Variants in APP observed in about 807,000 individuals in gnomAD.
The protein encoded by APP is amyloid beta precursor protein.
APP carries 31 observed loss-of-function variants against 101.4 expected under a neutral mutation model. The ratio of observed to expected loss-of-function variants is 0.31; its 90% CI spans 0.23 to 0.41. The LOEUF is 0.41. Among genes scored for constraint, APP ranks in the 10% least tolerant of loss-of-function variants. APP has a pLI of 1.00. For synonymous variants in APP, 366 were observed against 364.4 expected (o/e 1.00, Z -0.05); for missense variants, 839 against 1,003.7 (o/e 0.84, Z 2.22).
intron 1 of APP, among the ~76,000 whole-genome samples, chr21:26,112,538 C>T (rs1393968000): frequency 6.6e-5 from 10 of 152,220 alleles, no homozygotes. Context: ...CTGACTCACA[C>T]AGAGCATGAT....
intron 5 of APP, among the ~76,000 whole-genome samples, chr21:26,036,650 T>C (rs181120859): frequency 3.6e-4 from 55 of 152,290 alleles, no homozygotes; most frequent in Non-Finnish European, 6.3e-4. Flanking sequence ...CTAGACACAG[T>C]ATTTGAGACA....
intron 11 of APP, among the ~76,000 whole-genome samples, chr21:25,960,516 C>CT (rs958092225): frequency 5.3e-5 from 8 of 151,822 alleles, no homozygotes; most frequent in South Asian, 2.1e-4. Flanking sequence ...AGGGCGCTGG[C>CT]TTTTTTTTAG....
At chr21:26,072,926 TA>T (rs2061433870) in intron 3 of APP, among the ~76,000 whole-genome samples, 1 of 152,176 alleles carries the variant, frequency 6.6e-6, no homozygotes. Context: ...GTTCTCTGTT[TA>T]ACCTAAGAAG....
intron 1 of APP, among the ~76,000 whole-genome samples, chr21:26,163,065 TAA>T (rs140862192): frequency 8.1e-6 from 1 of 123,530 alleles, no homozygotes; most frequent in Non-Finnish European, 1.7e-5. Flanking sequence ...CTGTCTCTAC[TAA>T]AAAAAAAAAA....
intron 3 of APP, among the ~76,000 whole-genome samples, chr21:26,062,080 C>T (rs971654602): frequency 2.1e-4 from 32 of 151,810 alleles, no homozygotes; most frequent in East Asian, 3.9e-4. Context: ...CATGTTGGCG[C>T]GCACCTATAG....
intron 16 of APP, among the ~76,000 whole-genome samples, chr21:25,892,949 TAA>T (rs768171775): frequency 1.1e-5 from 1 of 90,724 alleles, no homozygotes. Context: ...AGATAGTATT[TAA>T]AAAAAAAAAA....
At chr21:25,939,784 ATTTGG>A (rs1176395675) in intron 13 of APP, among the ~76,000 whole-genome samples, 1 of 152,062 alleles carries the variant, frequency 6.6e-6, no homozygotes, top group African/African-American at 2.4e-5. Context: ...AAACACTTAA[ATTTGG>A]TTAGTTTGCT....
At position 25,886,064 on chromosome 21, in the gene APP, C is replaced by T. The variant is rs116565896; in HGVS notation, c.2212-4293G>A. ...ATACAAGGGACTGAGTCAGGCCAAA[C>T]GACAGAATCCTGTCATTGAGATGGA... is the stretch of plus-strand genomic sequence containing the variant. On this transcript the variant is annotated intron_variant, in intron 17 of 17. Coordinates refer to ENST00000346798, the MANE Select transcript of APP (RefSeq NM_000484.4). 6.3e-3 allele frequency among the ~76,000 whole-genome samples: 961 copies of T among 151,900 alleles called. 10 individuals carry two copies. The highest frequency in any genetic ancestry group is 0.022 in the African/African-American group (902 of 41,420).
intron 13 of APP, among the ~76,000 whole-genome samples, chr21:25,926,027 G>A (rs757557498): frequency 6.6e-6 from 1 of 152,204 alleles, no homozygotes; most frequent in Non-Finnish European, 1.5e-5. Context: ...TGTGAGCCAA[G>A]AAACAATACT....
chr21:26,142,006 G>C (rs1016756314), intron 1 of APP, among the ~76,000 whole-genome samples: 2 of 152,162 alleles, frequency 1.3e-5, no homozygotes, highest in African/African-American at 4.8e-5. Flanking sequence ...GTGGTGCCTA[G>C]CCACACTATA....
chr21:25,997,548 A>C (rs1336730104), intron 7 of APP, 132 bp from the exon 8 acceptor site: 2 of 761,096 alleles, frequency 2.6e-6, no homozygotes, highest in African/African-American at 3.5e-5. Context: ...GGTCCCTCCA[A>C]CAAAACCAAA....
At chr21:25,948,439 C>A (rs1217731514) in intron 13 of APP, among the ~76,000 whole-genome samples, 1 of 152,098 alleles carries the variant, frequency 6.6e-6, no homozygotes, top group Non-Finnish European at 1.5e-5. Flanking sequence ...AAATAAGCAT[C>A]CTTTCATTAT....
intron 8 of APP, among the ~76,000 whole-genome samples, chr21:25,994,476 A>G (rs185850113): frequency 2.6e-5 from 4 of 152,374 alleles, no homozygotes; most frequent in Admixed American, 1.3e-4. Context: ...TTTTATGACA[A>G]AAGTTTGAAA....
In APP at chr21:26,061,581, T is replaced by C. The variant is rs114652020; in HGVS notation, c.356-8233A>G. On this transcript the variant is annotated intron_variant, in intron 3 of 17. Transcript: ENST00000346798. ...AACATTTCTCAACAAACTTTCCATG[T>C]GATAAAACTGTTATGGTTTTAGCTT... Among the ~76,000 whole-genome samples, 401 of 152,348 alleles carry C rather than the reference T, an allele frequency of 2.6e-3. 2 individuals carry two copies. Among genetic ancestry groups the C allele is most frequent in the African/African-American group, 9.3e-3 (388 of 41,590 alleles).
At chr21:26,134,627 G>A (rs1017916276) in intron 1 of APP, among the ~76,000 whole-genome samples, 1 of 152,156 alleles carries the variant, frequency 6.6e-6, no homozygotes, top group African/African-American at 2.4e-5. Context: ...TTCCCAGAAC[G>A]CGGTCCTTCA....
chr21:26,078,834 G>A (rs148499498), intron 3 of APP, among the ~76,000 whole-genome samples: 29 of 152,116 alleles, frequency 1.9e-4, no homozygotes, highest in Admixed American at 1.2e-3. Context: ...ACCTGAGGTC[G>A]GGAGCTCGAG....
At chr21:25,992,034 T>C (rs1408326112) in intron 8 of APP, among the ~76,000 whole-genome samples, 5 of 152,190 alleles carry the variant, frequency 3.3e-5, no homozygotes, top group Non-Finnish European at 7.3e-5. Flanking sequence ...AGCAACACCT[T>C]TGTTCTCTCA....
intron 4 of APP, among the ~76,000 whole-genome samples, chr21:26,052,604 G>T (rs1282461236): frequency 6.6e-6 from 1 of 152,188 alleles, no homozygotes; most frequent in Non-Finnish European, 1.5e-5. Context: ...TTAACCAAGT[G>T]CTCGGTCAGA....
chr21:26,057,398 T>C (rs906974043), intron 3 of APP, among the ~76,000 whole-genome samples: 2 of 152,220 alleles, frequency 1.3e-5, no homozygotes, highest in Non-Finnish European at 2.9e-5. Context: ...ACAGTATGCA[T>C]GTTTATTGAG....
Sources: gnomAD v4.1 joint callset for allele counts (sites outside exome capture counted in the v4.1 genomes callset) on GRCh38, gnomAD v4.1.1 for gene constraint, MANE v1.5 for transcripts, NCBI Gene and HGNC (gene_info 2026-07-23, HGNC 2026-07-21) for gene names.